Variants in HEATR5A observed in about 807,000 individuals in gnomAD.
The protein encoded by HEATR5A is HEAT repeat-containing protein 5A.
Under a neutral mutation model 218.8 loss-of-function variants are expected in HEATR5A, and 178 were observed. The ratio of observed to expected loss-of-function variants is 0.81; its 90% CI spans 0.72 to 0.92. The LOEUF is 0.92. Ranked by LOEUF, HEATR5A falls within the 40% of genes least tolerant of loss-of-function variation. The pLI is 0.00. For synonymous variants in HEATR5A, 864 were observed against 871.6 expected (o/e 0.99, Z 0.15); for missense variants, 2,420 against 2,418.9 (o/e 1.00, Z -0.01).
intron 22 of HEATR5A, among the ~76,000 whole-genome samples, chr14:31,336,809 C>T (rs1900686884): frequency 6.6e-6 from 1 of 152,148 alleles, no homozygotes; most frequent in Admixed American, 6.5e-5. Context: ...AACTTTAGTA[C>T]AGTCATGCAT....
chr14:31,402,894 C>CA lies in HEATR5A; in HGVS notation c.81dup (p.Glu28Ter). ...AGCTTCTCCAAGTATCTCAACCACT[C>CA]AAAAATAAACTCTGCCTTCTGAACT... On this transcript the variant is annotated frameshift_variant, in exon 2 of 36. Transcript: ENST00000543095. LOFTEE classifies it high-confidence loss of function. The CA allele has an allele frequency of 6.5e-7, 1 of 1,536,546 alleles. No homozygotes were observed. Among genetic ancestry groups the CA allele is most frequent in the Non-Finnish European group, 8.7e-7 (1 of 1,146,956 alleles).
chr14:31,390,464 T>C (rs2030409422), intron 6 of HEATR5A, among the ~76,000 whole-genome samples: 1 of 152,016 alleles, frequency 6.6e-6, no homozygotes. Flanking sequence ...GTGGAGTGAA[T>C]GGAATCTGGA....
At chr14:31,388,062 C>T (rs2030304705) in intron 7 of HEATR5A, among the ~76,000 whole-genome samples, 1 of 152,146 alleles carries the variant, frequency 6.6e-6, no homozygotes, top group Admixed American at 6.5e-5. Context: ...TAAGAATTAA[C>T]TATGCTCCAA....
intron 31 of HEATR5A, among the ~76,000 whole-genome samples, chr14:31,305,957 A>G (rs1310407841): frequency 6.6e-6 from 1 of 152,216 alleles, no homozygotes; most frequent in East Asian, 1.9e-4. Context: ...AGCCAACTAT[A>G]ATCTTAAGTG....
intron 1 of HEATR5A, among the ~76,000 whole-genome samples, chr14:31,414,826 C>CATTT (rs1016423445): frequency 7.9e-5 from 12 of 152,134 alleles, no homozygotes; most frequent in East Asian, 7.7e-4. Context: ...ATGGTTCCTA[C>CATTT]ATTTATTTAT....
chr14:31,340,611 A>C (rs910006121), intron 21 of HEATR5A: 2 of 437,176 alleles, frequency 4.6e-6, no homozygotes, highest in African/African-American at 4.1e-5. Context: ...GCTTCAGCTT[A>C]AAAATTTGCC....
chr14:31,378,187 T>C (rs565521168), intron 11 of HEATR5A, among the ~76,000 whole-genome samples: 3 of 152,310 alleles, frequency 2.0e-5, no homozygotes, highest in African/African-American at 7.2e-5. Flanking sequence ...AAGGGGCAGA[T>C]AGTAAACATT....
chr14:31,326,791 C>T (rs1179178541), intron 22 of HEATR5A, among the ~76,000 whole-genome samples: 18 of 151,424 alleles, frequency 1.2e-4, no homozygotes, highest in Admixed American at 9.9e-4. Flanking sequence ...TACAGGCACC[C>T]GCCACCACGC....
At chr14:31,385,596 A>G (rs2030185597) in intron 9 of HEATR5A, among the ~76,000 whole-genome samples, 1 of 152,176 alleles carries the variant, frequency 6.6e-6, no homozygotes, top group South Asian at 2.1e-4. Flanking sequence ...GGAAATGACA[A>G]CTAATGGACT....
At chr14:31,355,898 CGTAA>C (rs1392368286) in intron 16 of HEATR5A, among the ~76,000 whole-genome samples, 1 of 152,066 alleles carries the variant, frequency 6.6e-6, no homozygotes, top group African/African-American at 2.4e-5. Context: ...ATTTATATTA[CGTAA>C]GTATTATTTC....
intron 28 of HEATR5A, among the ~76,000 whole-genome samples, chr14:31,310,805 A>G (rs1899722190): frequency 1.3e-5 from 2 of 152,104 alleles, no homozygotes; most frequent in African/African-American, 4.8e-5. Context: ...GCTACTGAAA[A>G]GTACAACAAA....
At chr14:31,404,283 A>T (rs1305293088) in intron 1 of HEATR5A, among the ~76,000 whole-genome samples, 1 of 152,224 alleles carries the variant, frequency 6.6e-6, no homozygotes, top group Non-Finnish European at 1.5e-5. Flanking sequence ...AATGTAGATA[A>T]AATGCTATGG....
At chr14:31,305,311 G>A in intron 31 of HEATR5A, 134 bp from the exon 32 acceptor site, 4 of 866,114 alleles carry the variant, frequency 4.6e-6, no homozygotes, top group South Asian at 1.7e-5. Context: ...CACACAGGCT[G>A]GAGTGCAATG....
At chr14:31,371,516 C>A in intron 13 of HEATR5A, 1 of 202,692 alleles carries the variant, frequency 4.9e-6, no homozygotes, top group Non-Finnish European at 9.8e-6. Flanking sequence ...TTCTCACGAA[C>A]ACAGAATACT....
rs781477249 is a variant in HEATR5A at position 31,358,890 on chromosome 14, A to G, written c.2235+4T>C. 1.3e-6 allele frequency: 2 copies of G among 1,597,120 alleles called. No homozygotes were observed. Among genetic ancestry groups the G allele is most frequent in the Non-Finnish European group, 8.5e-7 (1 of 1,173,788 alleles). The stretch of plus-strand genomic sequence containing the variant: ...ATCTAATCAAGAGTAAAAAATGGCC[A>G]TACCTGTTCTTCAATAAATCTATGG... On this transcript the variant is annotated splice_donor_region_variant and intron_variant, in intron 15 of 35. Coordinates refer to ENST00000543095, the MANE Select transcript of HEATR5A (RefSeq NM_015473.4).
chr14:31,334,580 C>G (rs546323214), intron 22 of HEATR5A: 1 of 378,052 alleles, frequency 2.6e-6, no homozygotes, highest in East Asian at 7.3e-5. Context: ...TATCAAAAAG[C>G]ATTGCATGTT....
Position 31,313,057 on chromosome 14 carries a change from C to A in HEATR5A, c.4352G>T (p.Gly1451Val). The A allele has an allele frequency of 6.2e-7, 1 of 1,613,910 alleles. No homozygotes were observed. Among genetic ancestry groups the A allele is most frequent in the Non-Finnish European group, 8.5e-7 (1 of 1,179,844 alleles). The change falls in exon 28 of 36, where the codon GGC (glycine) becomes GTC (valine). Residue 1451 changes from glycine (G) to valine (V), a missense_variant. Transcript: ENST00000543095. Reference protein sequence around the residue: ...GLLDLVYADLGTLSRLWLAAL... With the variant: ...GLLDLVYADLVTLSRLWLAAL... ...AGCAAGCCAGAGTCTGCTTAGTGTG[C>A]CAAGATCTGCATAGACTAAGTCAAG...
At chr14:31,304,327 T>C (rs1899484487) in intron 32 of HEATR5A, among the ~76,000 whole-genome samples, 1 of 152,186 alleles carries the variant, frequency 6.6e-6, no homozygotes, top group Non-Finnish European at 1.5e-5. Flanking sequence ...TACCAAAACA[T>C]GCCCAAGCAC....
chr14:31,400,111 G>A (rs1008955087), intron 3 of HEATR5A, among the ~76,000 whole-genome samples, 190 bp downstream of exon 3: 1 of 152,136 alleles, frequency 6.6e-6, no homozygotes, highest in East Asian at 1.9e-4. Context: ...TACGTCTAAA[G>A]TATTTGTAGA....
Sources: allele counts gnomAD v4.1 joint callset (sites outside exome capture counted in the v4.1 genomes callset), GRCh38; gene constraint gnomAD v4.1.1; transcripts MANE v1.5; gene names NCBI Gene and HGNC (gene_info 2026-07-23, HGNC 2026-07-21).